SRPK2: variants seen among roughly 807,000 people sequenced by gnomAD.
The protein encoded by SRPK2 is SRSF protein kinase 2.
A neutral mutation model predicts 90.8 loss-of-function variants in SRPK2; 21 were observed. The ratio of observed to expected loss-of-function variants is 0.23; its 90% CI spans 0.16 to 0.33. The LOEUF (loss-of-function observed/expected upper bound fraction) is 0.33, where lower values mean the gene tolerates loss of function less well. Among genes scored for constraint, SRPK2 ranks in the 10% least tolerant of loss-of-function variants. The pLI is 1.00. For missense variants in SRPK2, 620 were observed against 869.0 expected (o/e 0.71, Z 3.60); for synonymous variants, 288 against 311.1 (o/e 0.93, Z 0.78).
intron 11 of SRPK2, among the ~76,000 whole-genome samples, chr7:105,139,722 T>C (rs1803422259): frequency 6.6e-6 from 1 of 152,242 alleles, no homozygotes; most frequent in South Asian, 2.1e-4. Context: ...ATTATTATTA[T>C]ATGTTATTTA....
chr7:105,243,623 TCC>T (rs2129625565), intron 2 of SRPK2, among the ~76,000 whole-genome samples: 1 of 101,300 alleles, frequency 9.9e-6, no homozygotes, highest in East Asian at 3.4e-4. Flanking sequence ...AGAGAGAGAC[TCC>T]ATCTCAAAAA....
upstream of SRPK2, among the ~76,000 whole-genome samples, chr7:105,391,109 A>G (rs1277102199): frequency 6.6e-6 from 1 of 152,238 alleles, no homozygotes; most frequent in African/African-American, 2.4e-5. Context: ...GAGAATTAAC[A>G]TCATTAGTTG....
intron 2 of SRPK2, among the ~76,000 whole-genome samples, chr7:105,259,654 A>T (rs1803907342): frequency 1.3e-5 from 2 of 152,354 alleles, no homozygotes; most frequent in South Asian, 4.1e-4. Flanking sequence ...GGCTACAGTA[A>T]CCAAAACAGC....
intron 13 of SRPK2, 114 bp downstream of exon 13, chr7:105,132,677 G>A: frequency 1.3e-6 from 1 of 789,966 alleles, no homozygotes; most frequent in Non-Finnish European, 2.0e-6. Context: ...CACGGTGGAT[G>A]ACCCTTACAG....
At chr7:105,300,741 T>C (rs773515677) in intron 2 of SRPK2, among the ~76,000 whole-genome samples, 1 of 152,190 alleles carries the variant, frequency 6.6e-6, no homozygotes, top group African/African-American at 2.4e-5. Flanking sequence ...AAGACATTTA[T>C]GCAGCTAGCA....
chr7:105,143,400 G>A (rs1427945106), intron 9 of SRPK2, 70 bp from the exon 10 acceptor site: 1 of 1,541,290 alleles, frequency 6.5e-7, no homozygotes, highest in African/African-American at 1.4e-5. Context: ...ACGACTAGCA[G>A]CATGGCAAAT....
At chr7:105,383,794 A>C (rs1470896217) in intron 2 of SRPK2, among the ~76,000 whole-genome samples, 6 of 152,246 alleles carry the variant, frequency 3.9e-5, no homozygotes, top group Non-Finnish European at 8.8e-5. Context: ...CAACAATATA[A>C]AGGAATTAAG....
chr7:105,345,143 G>C (rs927296359), intron 2 of SRPK2, among the ~76,000 whole-genome samples: 1 of 145,812 alleles, frequency 6.9e-6, no homozygotes, highest in Non-Finnish European at 1.5e-5. Flanking sequence ...TCAAGGACAG[G>C]AGAGGAGGGG....
At chr7:105,351,568 C>G (rs954664633) in intron 2 of SRPK2, among the ~76,000 whole-genome samples, 1 of 151,614 alleles carries the variant, frequency 6.6e-6, no homozygotes, top group Admixed American at 6.6e-5. Context: ...TTTGGGTGGC[C>G]GAGGCAGGAG....
At chr7:105,361,307 G>A (rs923990363) in intron 2 of SRPK2, among the ~76,000 whole-genome samples, 1 of 152,134 alleles carries the variant, frequency 6.6e-6, no homozygotes, top group African/African-American at 2.4e-5. Context: ...ACAAACCACT[G>A]CTCAATGAAA....
intron 2 of SRPK2, among the ~76,000 whole-genome samples, chr7:105,220,610 T>C (rs1263611650): frequency 1.3e-5 from 2 of 152,210 alleles, no homozygotes; most frequent in Non-Finnish European, 2.9e-5. Context: ...AAAGTCTAGC[T>C]TGTCATACTT....
At chr7:105,342,720 A>C (rs1462464170) in intron 2 of SRPK2, among the ~76,000 whole-genome samples, 3 of 152,190 alleles carry the variant, frequency 2.0e-5, no homozygotes, top group African/African-American at 7.2e-5. Context: ...TGAAAAAGTT[A>C]CATGCTCTCC....
chr7:105,395,899 T>C (rs1290874535), intron 1 of SRPK2, among the ~76,000 whole-genome samples: 2 of 152,138 alleles, frequency 1.3e-5, no homozygotes, highest in Admixed American at 6.6e-5. Flanking sequence ...TATAGTGATG[T>C]TTTTTAAAAT....
At chr7:105,372,357 A>G (rs1819802723) in intron 2 of SRPK2, among the ~76,000 whole-genome samples, 1 of 152,196 alleles carries the variant, frequency 6.6e-6, no homozygotes, top group African/African-American at 2.4e-5. Flanking sequence ...AAATATCATA[A>G]GTAGACATTT....
chr7:105,124,549 G>A (rs1199746801), intron 15 of SRPK2, among the ~76,000 whole-genome samples: 2 of 146,306 alleles, frequency 1.4e-5, no homozygotes, highest in African/African-American at 2.5e-5. Flanking sequence ...GTTGAGGCAG[G>A]AGAATCACTT....
intron 7 of SRPK2, among the ~76,000 whole-genome samples, chr7:105,150,203 C>T (rs1321498618): frequency 1.3e-5 from 2 of 152,174 alleles, no homozygotes; most frequent in South Asian, 2.1e-4. Flanking sequence ...GATAATACTG[C>T]AATTAGGATA....
At chr7:105,245,321 T>C (rs1801495496) in intron 2 of SRPK2, among the ~76,000 whole-genome samples, 1 of 152,008 alleles carries the variant, frequency 6.6e-6, no homozygotes, top group Non-Finnish European at 1.5e-5. Context: ...GCAGGGGACA[T>C]GGCATCTTCT....
At chr7:105,358,949 A>AGAGAC in intron 2 of SRPK2, among the ~76,000 whole-genome samples, 1 of 149,460 alleles carries the variant, frequency 6.7e-6, no homozygotes, top group Admixed American at 6.7e-5. Context: ...GAGAGAGAGA[A>AGAGAC]AGCAAGAGTG....
intron 3 of SRPK2, among the ~76,000 whole-genome samples, chr7:105,183,788 C>A (rs897200042): frequency 1.3e-5 from 2 of 152,026 alleles, no homozygotes; most frequent in Non-Finnish European, 2.9e-5. Flanking sequence ...CCACGCCCTG[C>A]GTGGCTGTTT....
Sources: allele counts gnomAD v4.1 joint callset (sites outside exome capture counted in the v4.1 genomes callset), GRCh38; gene constraint gnomAD v4.1.1; transcripts MANE v1.5; gene names NCBI Gene and HGNC (gene_info 2026-07-23, HGNC 2026-07-21).